The following TENM3 variants were observed in gnomAD, a reference collection of about 807,000 sequenced individuals.
TENM3 encodes the protein teneurin transmembrane protein 3, also known as teneurin-3.
TENM3 carries 63 observed loss-of-function variants against 255.1 expected under a neutral mutation model. The observed-to-expected ratio is 0.25, with a 90% CI of 0.20 to 0.30. The LOEUF (loss-of-function observed/expected upper bound fraction) is 0.30. TENM3 is among the 10% of genes least tolerant of loss of function. The pLI is 1.00. For missense variants in TENM3, 2,929 were observed against 3,461.1 expected (o/e 0.85, Z 3.86); for synonymous variants, 1,306 against 1,322.3 (o/e 0.99, Z 0.27).
chr4:181,887,664 A>G, the TENM3 span, among the ~76,000 whole-genome samples: 1 of 152,196 alleles, frequency 6.6e-6, no homozygotes, highest in Non-Finnish European at 1.5e-5. Context: ...TTCGTATCTG[A>G]GAACAGTGTC....
chr4:181,703,549 C>T, the TENM3 span, among the ~76,000 whole-genome samples: 1 of 152,134 alleles, frequency 6.6e-6, no homozygotes. Flanking sequence ...CCCTTTATGA[C>T]TTTTCTCGCC....
At chr4:181,580,616 G>T in the TENM3 span, among the ~76,000 whole-genome samples, 1 of 152,178 alleles carries the variant, frequency 6.6e-6, no homozygotes, top group African/African-American at 2.4e-5. Context: ...TAGGACGAAG[G>T]AGAAACGAGG....
At chr4:182,753,625 C>T in intron 21 of TENM3, 21 bp downstream of exon 21, 1 of 1,610,224 alleles carries the variant, frequency 6.2e-7, no homozygotes, top group Non-Finnish European at 8.5e-7. Flanking sequence ...ACTAAGCGGA[C>T]TTGTTTGTTT....
the TENM3 span, among the ~76,000 whole-genome samples, chr4:181,772,336 C>T: frequency 6.6e-6 from 1 of 151,722 alleles, no homozygotes; most frequent in Non-Finnish European, 1.5e-5. Context: ...TGAGATCAGG[C>T]CACTGCACTC....
chr4:181,929,449 T>C, the TENM3 span, among the ~76,000 whole-genome samples: 4 of 151,792 alleles, frequency 2.6e-5, no homozygotes, highest in African/African-American at 9.7e-5. Context: ...CATTATATAA[T>C]GGTAAAGGAA....
At chr4:182,763,023 A>G (rs574429221) in intron 22 of TENM3, among the ~76,000 whole-genome samples, 2 of 152,314 alleles carry the variant, frequency 1.3e-5, no homozygotes, top group East Asian at 3.9e-4. Context: ...GAAAATATTG[A>G]TGTAAAGAAA....
chr4:182,458,551 T>C (rs968306950), intron 3 of TENM3, among the ~76,000 whole-genome samples: 8 of 152,194 alleles, frequency 5.3e-5, no homozygotes, highest in African/African-American at 1.7e-4. Flanking sequence ...AGATCAATGA[T>C]TTTGAACAGC....
At chr4:182,283,391 T>C (rs548397737) in intron 1 of TENM3, among the ~76,000 whole-genome samples, 1 of 152,342 alleles carries the variant, frequency 6.6e-6, no homozygotes, top group South Asian at 2.1e-4. Flanking sequence ...AGAGATACCA[T>C]TTAGTCATTC....
chr4:181,978,468 GA>G, the TENM3 span, among the ~76,000 whole-genome samples: 1 of 152,210 alleles, frequency 6.6e-6, no homozygotes, highest in Non-Finnish European at 1.5e-5. Flanking sequence ...CCAACATGGT[GA>G]AACACCATCT....
At chr4:182,481,737 G>A (rs1437165387) in intron 3 of TENM3, among the ~76,000 whole-genome samples, 2 of 152,238 alleles carry the variant, frequency 1.3e-5, no homozygotes, top group Non-Finnish European at 2.9e-5. Flanking sequence ...AAGGGTTTCA[G>A]TGAGCCGAGA....
At chr4:182,676,306 G>A (rs576601809) in intron 7 of TENM3, among the ~76,000 whole-genome samples, 14 of 152,294 alleles carry the variant, frequency 9.2e-5, no homozygotes, top group African/African-American at 3.4e-4. Flanking sequence ...AGAGCCTTAT[G>A]GTGAAGTATA....
chr4:181,792,410 T>C, the TENM3 span, among the ~76,000 whole-genome samples: 8 of 152,206 alleles, frequency 5.3e-5, no homozygotes, highest in Non-Finnish European at 1.2e-4. Flanking sequence ...CTCTTCATCA[T>C]GAATTACGCT....
At chr4:182,052,764 T>A in the TENM3 span, among the ~76,000 whole-genome samples, 1 of 151,968 alleles carries the variant, frequency 6.6e-6, no homozygotes, top group South Asian at 2.1e-4. Flanking sequence ...TTGCCAGGAG[T>A]GCATTGGGAG....
rs1311693870 is a variant in TENM3, at chr4:182,573,274, T to G, written c.512-27650T>G. On this transcript the variant is annotated intron_variant, in intron 3 of 27. Coordinates refer to ENST00000511685, the MANE Select transcript of TENM3 (RefSeq NM_001080477.4). Reference sequence around the variant, plus strand: ...CTGGAATAGAGCCAAAGTTTGTGTGTATATACGCTTATGAACCAAATATAT... The same window carrying G: ...CTGGAATAGAGCCAAAGTTTGTGTGGATATACGCTTATGAACCAAATATAT... Among the ~76,000 whole-genome samples the G allele has an allele frequency of 2.0e-5, 3 of 152,342 alleles. No individual in the cohort carries two copies. The East Asian group carries it at 5.8e-4, about 29-fold the overall frequency.
At chr4:182,126,634 G>T in the TENM3 span, among the ~76,000 whole-genome samples, 1 of 152,170 alleles carries the variant, frequency 6.6e-6, no homozygotes, top group Admixed American at 6.5e-5. Flanking sequence ...AGCCAGACTT[G>T]CCTGATCCTG....
chr4:181,893,689 C>T, the TENM3 span, among the ~76,000 whole-genome samples: 4 of 151,846 alleles, frequency 2.6e-5, no homozygotes, highest in Non-Finnish European at 4.4e-5. Context: ...AAGGAAAATG[C>T]TTTTGTTAGT....
At chr4:181,819,073 G>A in the TENM3 span, among the ~76,000 whole-genome samples, 2 of 152,066 alleles carry the variant, frequency 1.3e-5, no homozygotes, top group African/African-American at 4.8e-5. Flanking sequence ...TGCCCATGAA[G>A]GTGAGCCCCG....
intron 1 of TENM3, among the ~76,000 whole-genome samples, chr4:182,162,086 G>A (rs1245216326): frequency 6.7e-6 from 1 of 149,710 alleles, no homozygotes; most frequent in Non-Finnish European, 1.5e-5. Flanking sequence ...GTCTTGCTAT[G>A]TTGTGCAGGC....
chr4:181,905,340 T>C, the TENM3 span, among the ~76,000 whole-genome samples: 1 of 152,188 alleles, frequency 6.6e-6, no homozygotes, highest in Non-Finnish European at 1.5e-5. Context: ...GCCAGACACA[T>C]AGTAGGTATC....
Sources: allele counts gnomAD v4.1 joint callset (sites outside exome capture counted in the v4.1 genomes callset), GRCh38; gene constraint gnomAD v4.1.1; transcripts MANE v1.5; gene names NCBI Gene and HGNC (gene_info 2026-07-23, HGNC 2026-07-21).